Variants in FAM124A observed in about 807,000 individuals in gnomAD.
FAM124A encodes the protein protein FAM124A.
FAM124A carries 23 observed loss-of-function variants against 24.5 expected under a neutral mutation model. The ratio of observed to expected loss-of-function variants is 0.94; its 90% CI spans 0.68 to 1.33. FAM124A has a LOEUF of 1.33. Ranked by LOEUF, FAM124A falls within the 40% of genes most tolerant of loss-of-function variation. The pLI is 0.00. For synonymous variants in FAM124A, 287 were observed against 314.7 expected (o/e 0.91, Z 0.93); for missense variants, 623 against 722.8 (o/e 0.86, Z 1.58).
At chr13:51,263,662 A>G (rs1290233304) in intron 3 of FAM124A, among the ~76,000 whole-genome samples, 1 of 152,192 alleles carries the variant, frequency 6.6e-6, no homozygotes, top group Non-Finnish European at 1.5e-5. Flanking sequence ...GTGCCCCTTC[A>G]CTGTGTTTCT....
At chr13:51,274,639 T>C (rs1954869434) in intron 3 of FAM124A, among the ~76,000 whole-genome samples, 1 of 152,232 alleles carries the variant, frequency 6.6e-6, no homozygotes, top group African/African-American at 2.4e-5. Flanking sequence ...TTATGATTTA[T>C]GATATATAGG....
chr13:51,242,200 T>G (rs2137663681), intron 2 of FAM124A, among the ~76,000 whole-genome samples: 1 of 152,372 alleles, frequency 6.6e-6, no homozygotes, highest in Middle Eastern at 3.4e-3. Context: ...CAGTATTTGT[T>G]GAGATCCTGA....
At chr13:51,262,598 T>G (rs1162370844) in intron 3 of FAM124A, among the ~76,000 whole-genome samples, 1 of 152,222 alleles carries the variant, frequency 6.6e-6, no homozygotes. Flanking sequence ...GTTAGTTGTC[T>G]CTTTTCTGCT....
chr13:51,248,724 C>A (rs534163785), intron 2 of FAM124A, among the ~76,000 whole-genome samples: 4 of 152,310 alleles, frequency 2.6e-5, no homozygotes, highest in African/African-American at 9.6e-5. Context: ...CTTTCTCCTG[C>A]CCAAAGCTAG....
chr13:51,251,694 G>A lies in FAM124A; in HGVS notation c.327G>A (p.Glu109=), dbSNP rs373219087. Residue 109 remains glutamate (E), a synonymous_variant, in exon 3 of 4, where the codon GAG becomes GAA. Coordinates refer to ENST00000322475, the MANE Select transcript of FAM124A (RefSeq NM_001242312.2). The surrounding 1 kb of genome is among the most constrained non-coding windows in gnomAD (Gnocchi z 5.3). ...TGGCTGTGGTGCTGTTCCTGCAGGAGGAGTACGGCGAAGAGCAGATCCTGC... is the reference window on the plus strand; with the variant it reads ...TGGCTGTGGTGCTGTTCCTGCAGGAAGAGTACGGCGAAGAGCAGATCCTGC... ...PALAVVLFLQ[E]EYGEEQILQL... 3 of 1,588,538 alleles carry A rather than the reference G, an allele frequency of 1.9e-6. No individual in the cohort carries two copies. The highest frequency in any genetic ancestry group is 2.6e-6 in the Non-Finnish European group (3 of 1,168,564).
rs537711020 is a variant in FAM124A, at chr13:51,251,279, T to C, written c.101-189T>C. 8.5e-5 allele frequency among the ~76,000 whole-genome samples: 13 copies of C among 152,348 alleles called. No individual in the cohort carries two copies. The South Asian group carries it at 2.7e-3, about 32-fold the overall frequency. On this transcript the variant is annotated intron_variant, in intron 2 of 3. Transcript: ENST00000322475. This position sits in a 1 kb window ranked among gnomAD's most constrained non-coding sequence, Gnocchi z 5.3. ...CACGTAGCAACAGCCCTTTCCTCTT[T>C]GGCTGCTAAGGTGCTGGCATAGTAG... is the stretch of plus-strand genomic sequence containing the variant.
intron 1 of FAM124A, among the ~76,000 whole-genome samples, chr13:51,226,986 A>G (rs1320248892): frequency 2.6e-5 from 4 of 152,230 alleles, no homozygotes; most frequent in African/African-American, 9.6e-5. Flanking sequence ...TAAAGCCCCT[A>G]GAACAGTGGC....
rs1954702595 is a variant in FAM124A at position 51,258,900 on chromosome 13, T to C, written c.834+6699T>C. ...ACGAGAGGCTGCTCAGAAGAACCTA[T>C]GCCTGAGCAGAGCTGGGGCAGATGC... On this transcript the variant is annotated intron_variant, in intron 3 of 3. Coordinates refer to ENST00000322475, the MANE Select transcript of FAM124A (RefSeq NM_001242312.2). This position sits in a 1 kb window ranked among gnomAD's most constrained non-coding sequence, Gnocchi z 4.2. 6.6e-6 allele frequency among the ~76,000 whole-genome samples: 1 copy of C among 152,140 alleles called. No homozygotes were observed. Among genetic ancestry groups the C allele is most frequent in the Admixed American group, 6.5e-5 (1 of 15,278 alleles).
Position 51,280,497 on chromosome 13 carries a change from T to C in FAM124A, c.882T>C (p.His294=). 1 of 1,613,640 alleles carries C rather than the reference T, an allele frequency of 6.2e-7. No homozygotes were observed. The highest frequency in any genetic ancestry group is 8.5e-7 in the Non-Finnish European group (1 of 1,179,778). Residue 294 remains histidine (H), a synonymous_variant, in exon 4 of 4, where the codon CAT becomes CAC. Transcript: ENST00000322475. The part of the protein sequence containing the change: ...KKFPKPGRVH[H]ASEKKRHSTP... ...TTCCTAAACCTGGCAGAGTACATCA[T>C]GCCTCCGAGAAGAAACGTCATTCCA... is the stretch of plus-strand genomic sequence containing the variant.
rs1954963949 is a variant in FAM124A at position 51,283,929 on chromosome 13, T to C, written c.*2673T>C. Reference sequence around the variant, plus strand: ...CTCATCACAGTCCAATCTACCAAACTGAGTGACCCTAAAGGACATCATAGA... The same window carrying C: ...CTCATCACAGTCCAATCTACCAAACCGAGTGACCCTAAAGGACATCATAGA... On this transcript the variant is annotated 3_prime_UTR_variant, in exon 4 of 4. Transcript: ENST00000322475. 6.6e-6 allele frequency: 1 copy of C among 152,202 alleles called. No homozygotes were observed. Among genetic ancestry groups the C allele is most frequent in the African/African-American group, 2.4e-5 (1 of 41,434 alleles). The allele number at this position is 152,202 out of a possible 1,614,324, so 9.4% of individuals were successfully genotyped here.
chr13:51,224,896 T>G (rs1954301492), intron 1 of FAM124A, among the ~76,000 whole-genome samples: 1 of 152,184 alleles, frequency 6.6e-6, no homozygotes, highest in Admixed American at 6.5e-5. Flanking sequence ...TGTATTTTTC[T>G]GTTTCCTCGC....
At chr13:51,233,547 G>A (rs537455111) in intron 2 of FAM124A, among the ~76,000 whole-genome samples, 3 of 152,158 alleles carry the variant, frequency 2.0e-5, no homozygotes, top group East Asian at 1.9e-4. Context: ...AGTGGGTACC[G>A]GGGTGGGGCG....
intron 3 of FAM124A, among the ~76,000 whole-genome samples, chr13:51,273,146 T>C (rs1166739440): frequency 1.3e-5 from 2 of 152,186 alleles, no homozygotes; most frequent in Admixed American, 6.5e-5. Flanking sequence ...TATATTTTCA[T>C]AATACAAAAG....
At chr13:51,248,333 TG>T (rs1480524472) in intron 2 of FAM124A, among the ~76,000 whole-genome samples, 1 of 152,226 alleles carries the variant, frequency 6.6e-6, no homozygotes, top group Non-Finnish European at 1.5e-5. Context: ...CCACCAGGCC[TG>T]TGGGCTTCCT....
chr13:51,276,018 G>A (rs914500300), intron 3 of FAM124A, among the ~76,000 whole-genome samples: 1 of 152,234 alleles, frequency 6.6e-6, no homozygotes, highest in Non-Finnish European at 1.5e-5. Flanking sequence ...TAAAGTCATG[G>A]AGATACAAAC....
At chr13:51,276,541 G>C (rs1040702931) in intron 3 of FAM124A, among the ~76,000 whole-genome samples, 1 of 152,182 alleles carries the variant, frequency 6.6e-6, no homozygotes, top group African/African-American at 2.4e-5. Context: ...ACGTGTACGG[G>C]CTTTGTCCAT....
Position 51,281,335 on chromosome 13 carries a change from C to A in FAM124A, c.*79C>A. 7.5e-7 allele frequency: 1 copy of A among 1,342,254 alleles called. No individual in the cohort carries two copies. Among genetic ancestry groups the A allele is most frequent in the Non-Finnish European group, 1.0e-6 (1 of 1,000,164 alleles). The allele number at this position is 1,342,254 out of a possible 1,614,324, so 83.1% of individuals were successfully genotyped here. On this transcript the variant is annotated 3_prime_UTR_variant, in exon 4 of 4. Coordinates refer to ENST00000322475, the MANE Select transcript of FAM124A (RefSeq NM_001242312.2). The stretch of plus-strand genomic sequence containing the variant: ...CCCCACTGCCCCTCTGGCCACTGAG[C>A]ACACCACATTCTTCATGATCCATTT...
chr13:51,256,286 G>C (rs921805864), intron 3 of FAM124A, among the ~76,000 whole-genome samples: 1 of 152,222 alleles, frequency 6.6e-6, no homozygotes, highest in Non-Finnish European at 1.5e-5. Context: ...AGAGTGGCAA[G>C]ATAATTTAAC....
At chr13:51,276,457 C>T (rs908033168) in intron 3 of FAM124A, among the ~76,000 whole-genome samples, 12 of 152,172 alleles carry the variant, frequency 7.9e-5, no homozygotes, top group Admixed American at 5.9e-4. Flanking sequence ...TTTGCTCAAC[C>T]GCCATCCTGT....
Sources: gnomAD v4.1 joint callset for allele counts (sites outside exome capture counted in the v4.1 genomes callset) on GRCh38, gnomAD v4.1.1 for gene constraint, Gnocchi (gnomAD v3.1) non-coding constraint, MANE v1.5 for transcripts, NCBI Gene and HGNC (gene_info 2026-07-23, HGNC 2026-07-21) for gene names.